The following ROBO2 variants were observed in gnomAD, a reference collection of about 807,000 sequenced individuals.
The protein encoded by ROBO2 is roundabout guidance receptor 2.
ROBO2 carries 53 observed loss-of-function variants against 160.8 expected under a neutral mutation model. The observed-to-expected ratio is 0.33, with a 90% CI of 0.26 to 0.41. ROBO2 has a LOEUF of 0.41. Among genes scored for constraint, ROBO2 ranks in the 10% least tolerant of loss-of-function variants. The pLI is 1.00. For missense variants in ROBO2, 1,577 were observed against 1,722.4 expected (o/e 0.92, Z 1.49); for synonymous variants, 664 against 611.7 (o/e 1.09, Z -1.26).
At chr3:75,912,164 G>T (rs1267080465) in intron 1 of ROBO2, among the ~76,000 whole-genome samples, 1 of 152,084 alleles carries the variant, frequency 6.6e-6, no homozygotes, top group African/African-American at 2.4e-5. Flanking sequence ...AACTTTTGCT[G>T]TACTCAAGCA....
intron 2 of ROBO2, among the ~76,000 whole-genome samples, chr3:76,057,533 T>C (rs2067891039): frequency 6.6e-6 from 1 of 152,322 alleles, no homozygotes; most frequent in African/African-American, 2.4e-5. Flanking sequence ...TGCACACTTC[T>C]GCATTCGGAA....
intron 2 of ROBO2, among the ~76,000 whole-genome samples, chr3:76,592,588 C>A: frequency 6.6e-6 from 1 of 152,026 alleles, no homozygotes; most frequent in East Asian, 1.9e-4. Flanking sequence ...ATTCCTCCAG[C>A]CATTCAAACC....
chr3:76,656,391 A>G (rs1368112930), intron 2 of ROBO2, among the ~76,000 whole-genome samples: 1 of 152,160 alleles, frequency 6.6e-6, no homozygotes, highest in Non-Finnish European at 1.5e-5. Flanking sequence ...CTGATAAATA[A>G]CAATAATCAT....
At chr3:76,420,956 G>T (rs1301283770) in intron 2 of ROBO2, among the ~76,000 whole-genome samples, 1 of 152,132 alleles carries the variant, frequency 6.6e-6, no homozygotes, top group Non-Finnish European at 1.5e-5. Flanking sequence ...GAACTGACAA[G>T]AAATAGTTTG....
At chr3:76,286,095 G>A (rs1184073363) in intron 2 of ROBO2, among the ~76,000 whole-genome samples, 3 of 152,142 alleles carry the variant, frequency 2.0e-5, no homozygotes, top group African/African-American at 7.2e-5. Flanking sequence ...AGCAGGTAAA[G>A]CAATACTTAT....
intron 2 of ROBO2, among the ~76,000 whole-genome samples, chr3:77,218,058 A>G (rs1192391376): frequency 6.6e-6 from 1 of 152,194 alleles, no homozygotes; most frequent in Non-Finnish European, 1.5e-5. Flanking sequence ...ATCTATATGC[A>G]TTTCCCAAAT....
chr3:76,372,813 G>A (rs2076169234), intron 2 of ROBO2, among the ~76,000 whole-genome samples: 1 of 151,906 alleles, frequency 6.6e-6, no homozygotes, highest in African/African-American at 2.4e-5. Flanking sequence ...CTCTCACAAT[G>A]ATTAGGACTA....
intron 2 of ROBO2, among the ~76,000 whole-genome samples, chr3:76,377,060 G>A (rs1295833434): frequency 6.6e-6 from 1 of 152,130 alleles, no homozygotes; most frequent in Non-Finnish European, 1.5e-5. Flanking sequence ...CAACAAAGTA[G>A]GCCCGGGTTG....
chr3:77,359,674 T>C (rs2069642996), intron 2 of ROBO2, among the ~76,000 whole-genome samples: 1 of 152,102 alleles, frequency 6.6e-6, no homozygotes. Context: ...CCTTCTTTAT[T>C]CAGCCCTTTG....
intron 6 of ROBO2, among the ~76,000 whole-genome samples, chr3:77,526,655 C>A (rs1389510941): frequency 1.3e-5 from 2 of 151,424 alleles, no homozygotes; most frequent in African/African-American, 4.8e-5. Flanking sequence ...CAGGGGCAGC[C>A]TATTACCACT....
chr3:77,360,513 A>G (rs1183328992), intron 2 of ROBO2, among the ~76,000 whole-genome samples: 1 of 152,182 alleles, frequency 6.6e-6, no homozygotes, highest in Non-Finnish European at 1.5e-5. Flanking sequence ...GCTTATACAG[A>G]TAATGAGGAC....
intron 2 of ROBO2, among the ~76,000 whole-genome samples, chr3:76,454,174 A>G (rs1159634296): frequency 2.0e-5 from 3 of 152,212 alleles, no homozygotes; most frequent in Admixed American, 2.0e-4. Flanking sequence ...CTGGGAATCC[A>G]GAAGTTTCAA....
intron 2 of ROBO2, among the ~76,000 whole-genome samples, chr3:76,294,065 C>A (rs892649813): frequency 2.0e-5 from 3 of 152,172 alleles, no homozygotes; most frequent in Non-Finnish European, 4.4e-5. Flanking sequence ...TCAGCACTAC[C>A]CCATGCATGT....
Position 77,452,398 on chromosome 3 carries a change from A to G in ROBO2, c.389-25016A>G, listed in dbSNP as rs865792063. 3.3e-5 allele frequency among the ~76,000 whole-genome samples: 5 copies of G among 152,290 alleles called. 1 individual carries two copies. The highest frequency in any genetic ancestry group is 6.8e-3 in the Middle Eastern group (2 of 294). Reference sequence around the variant, plus strand: ...CCGCTCTCTCCTTCTGAGCATATATATAGTTAAAATCAGATAAACTAACCA... The same window carrying G: ...CCGCTCTCTCCTTCTGAGCATATATGTAGTTAAAATCAGATAAACTAACCA... On this transcript the variant is annotated intron_variant, in intron 2 of 25. Transcript: ENST00000461745.
chr3:76,012,502 A>G lies in ROBO2; in HGVS notation c.109+74900A>G, dbSNP rs928011893. Reference sequence around the variant, plus strand: ...TTCAAGTTGGATTTTAATTAATTCAATAAGCATGTATTGATGACCTACTGT... The same window carrying G: ...TTCAAGTTGGATTTTAATTAATTCAGTAAGCATGTATTGATGACCTACTGT... On this transcript the variant is annotated intron_variant, in intron 2 of 26. Transcript: ENST00000487694. 2.6e-5 allele frequency among the ~76,000 whole-genome samples: 4 copies of G among 152,348 alleles called. No homozygotes were observed. The South Asian group carries it at 8.3e-4, about 32-fold the overall frequency.
At chr3:77,507,255 G>C (rs765291042) in intron 5 of ROBO2, among the ~76,000 whole-genome samples, 12 of 152,118 alleles carry the variant, frequency 7.9e-5, no homozygotes, top group Non-Finnish European at 1.6e-4. Context: ...GAAAAAAGAA[G>C]AAAGCCTTTT....
At chr3:77,491,965 G>C (rs1318505402) in intron 4 of ROBO2, among the ~76,000 whole-genome samples, 1 of 152,014 alleles carries the variant, frequency 6.6e-6, no homozygotes, top group Non-Finnish European at 1.5e-5. Flanking sequence ...TCTTGATTTA[G>C]TCAATAAAAT....
At chr3:77,305,507 A>G (rs2063025495) in intron 2 of ROBO2, among the ~76,000 whole-genome samples, 1 of 152,224 alleles carries the variant, frequency 6.6e-6, no homozygotes, top group South Asian at 2.1e-4. Flanking sequence ...ACAGAAGGAT[A>G]CAGTCTATGG....
chr3:76,532,544 A>G (rs1310031520), intron 2 of ROBO2, among the ~76,000 whole-genome samples: 1 of 152,210 alleles, frequency 6.6e-6, no homozygotes, highest in Non-Finnish European at 1.5e-5. Context: ...AATTTGCCTT[A>G]TAAGTATAAT....
Sources: gnomAD v4.1 joint callset for allele counts (sites outside exome capture counted in the v4.1 genomes callset) on GRCh38, gnomAD v4.1.1 for gene constraint, MANE v1.5 for transcripts, NCBI Gene and HGNC (gene_info 2026-07-23, HGNC 2026-07-21) for gene names.